ANO6: variants seen among roughly 807,000 people sequenced by gnomAD.
ANO6 encodes the protein anoctamin 6, also known as anoctamin-6.
A neutral mutation model predicts 117.5 loss-of-function variants in ANO6; 106 were observed. The ratio of observed to expected loss-of-function variants is 0.90; its 90% CI spans 0.77 to 1.06. ANO6 has a LOEUF of 1.06. Ranked by LOEUF, ANO6 falls within the 50% of genes least tolerant of loss-of-function variation. The probability of loss-of-function intolerance (pLI) is 0.00; values close to 1 mark genes in which losing one functional copy is unlikely to be tolerated. For synonymous variants in ANO6, 367 were observed against 385.1 expected (o/e 0.95, Z 0.55); for missense variants, 955 against 1,121.1 (o/e 0.85, Z 2.12).
At chr12:45,216,420 C>A in intron 1 of ANO6, 29 bp downstream of exon 1, 1 of 1,602,416 alleles carries the variant, frequency 6.2e-7, no homozygotes, top group East Asian at 2.3e-5. Flanking sequence ...CGTCCCCACC[C>A]GAGAGCCCGA....
At chr12:45,439,550 C>A in intron 19 of ANO6, 1 of 918,178 alleles carries the variant, frequency 1.1e-6, no homozygotes, top group Non-Finnish European at 1.5e-6. Flanking sequence ...GAATTTGGAC[C>A]TTTAAACAAA....
In ANO6 at chr12:45,274,461, C is replaced by G. The variant is rs543471598; in HGVS notation, c.71-27553C>G. On this transcript the variant is annotated intron_variant, in intron 1 of 19. Transcript: ENST00000320560. Reference sequence around the variant, plus strand: ...CTGCCTTTCTGTGACACCTCGTATTCTCAAATTCAAGCACCCAACATCCCC... The same window carrying G: ...CTGCCTTTCTGTGACACCTCGTATTGTCAAATTCAAGCACCCAACATCCCC... 1.2e-4 allele frequency among the ~76,000 whole-genome samples: 19 copies of G among 152,202 alleles called. 1 individual carries two copies. Among genetic ancestry groups the G allele is most frequent in the Admixed American group, 9.2e-4 (14 of 15,286 alleles).
chr12:45,437,824 C>T (rs117499919), intron 19 of ANO6, among the ~76,000 whole-genome samples: 3,037 of 152,246 alleles, frequency 0.02, 43 homozygotes, highest in East Asian at 0.037. Context: ...CCCACCTTGC[C>T]TCCCAAAGTG....
At chr12:45,302,775 C>G (rs964524230) in intron 2 of ANO6, among the ~76,000 whole-genome samples, 2 of 151,948 alleles carry the variant, frequency 1.3e-5, no homozygotes, top group South Asian at 4.2e-4. Context: ...ATTTGGAGGG[C>G]GGGGATGGGA....
chr12:45,300,304 C>T (rs572847121), intron 1 of ANO6, among the ~76,000 whole-genome samples: 65 of 152,264 alleles, frequency 4.3e-4, no homozygotes, highest in Admixed American at 9.8e-4. Flanking sequence ...CCTCAACCTC[C>T]TGAGTAGCTG....
intron 10 of ANO6, among the ~76,000 whole-genome samples, chr12:45,386,595 C>G (rs915488895): frequency 6.6e-6 from 1 of 152,216 alleles, no homozygotes; most frequent in Admixed American, 6.5e-5. Flanking sequence ...CTCCCTGCCC[C>G]TAGTCTCACT....
At chr12:45,316,761 T>C (rs1940039740) in intron 2 of ANO6, among the ~76,000 whole-genome samples, 1 of 151,554 alleles carries the variant, frequency 6.6e-6, no homozygotes, top group Admixed American at 6.6e-5. Flanking sequence ...TACATAAAAA[T>C]ATATGACATA....
chr12:45,345,897 A>C (rs1156331618), intron 3 of ANO6, among the ~76,000 whole-genome samples: 4 of 148,460 alleles, frequency 2.7e-5, no homozygotes, highest in Admixed American at 6.7e-5. Flanking sequence ...GTCTGAGATC[A>C]AGGGGGCTGG....
In ANO6 at chr12:45,315,317, G is replaced by A. The variant is rs1393827645; in HGVS notation, c.150+13224G>A. Among the ~76,000 whole-genome samples the A allele has an allele frequency of 3.9e-5, 6 of 152,008 alleles. No homozygotes were observed. In the East Asian group the frequency reaches 1.2e-3, roughly 29 times the overall value. On this transcript the variant is annotated intron_variant, in intron 2 of 19. Coordinates refer to ENST00000320560, the MANE Select transcript of ANO6 (RefSeq NM_001025356.3). ...ACCACTGTAGAGGGAGTATTCTGGT[G>A]GGAGGATGCATGAGGAACTGGGGGA...
chr12:45,425,555 A>G (rs1361868796), intron 19 of ANO6, among the ~76,000 whole-genome samples: 1 of 152,252 alleles, frequency 6.6e-6, no homozygotes, highest in Admixed American at 6.5e-5. Context: ...CAACAGTAAC[A>G]ACGGAAGCCA....
At chr12:45,334,147 G>C (rs1032261968) in intron 3 of ANO6, among the ~76,000 whole-genome samples, 1 of 152,002 alleles carries the variant, frequency 6.6e-6, no homozygotes, top group African/African-American at 2.4e-5. Context: ...CCTTTAAAAA[G>C]CATAAACCAT....
chr12:45,391,983 A>T (rs1565744291), intron 12 of ANO6, among the ~76,000 whole-genome samples: 2 of 152,228 alleles, frequency 1.3e-5, no homozygotes. Flanking sequence ...TACCTGGTTC[A>T]TCTCATTGGG....
At chr12:45,245,784 T>A (rs958183448) in intron 1 of ANO6, among the ~76,000 whole-genome samples, 4 of 152,160 alleles carry the variant, frequency 2.6e-5, no homozygotes, top group South Asian at 2.1e-4. Context: ...GGAAATCTTA[T>A]GATTTCAAGT....
chr12:45,372,810 G>C (rs966985281), intron 9 of ANO6, among the ~76,000 whole-genome samples: 2 of 152,164 alleles, frequency 1.3e-5, no homozygotes, highest in African/African-American at 4.8e-5. Context: ...CAACTAAAGA[G>C]CAAAATCACC....
At chr12:45,249,376 GTATT>G (rs1947870099) in intron 1 of ANO6, among the ~76,000 whole-genome samples, 1 of 151,924 alleles carries the variant, frequency 6.6e-6, no homozygotes, top group Non-Finnish European at 1.5e-5. Context: ...TTATTCTGAG[GTATT>G]TATTCTTTAG....
At chr12:45,368,431 C>A (rs1469066411) in intron 9 of ANO6, among the ~76,000 whole-genome samples, 1 of 152,220 alleles carries the variant, frequency 6.6e-6, no homozygotes, top group Admixed American at 6.5e-5. Flanking sequence ...CAGATTTAGA[C>A]TGTCTCTATA....
chr12:45,302,033 G>C lies in ANO6; in HGVS notation c.90G>C (p.Gln30His), dbSNP rs763935163. The C allele has an allele frequency of 6.2e-7, 1 of 1,613,964 alleles. No individual in the cohort carries two copies. The highest frequency in any genetic ancestry group is 2.2e-5 in the East Asian group (1 of 44,874). ...TTTTAGTGTTGGAAAACCTTGGACA[G>C]ACAATTGTCCCCGATTTGGGATCAC... The part of the protein sequence containing the change: ...DGDIVLENLG[Q>H]TIVPDLGSLE... Residue 30 changes from glutamine to histidine, a missense_variant, in exon 2 of 20, where the codon CAG becomes CAC. By Grantham distance (24) the Gln-to-His change is conservative. Coordinates refer to ENST00000320560, the MANE Select transcript of ANO6 (RefSeq NM_001025356.3).
chr12:45,421,432 AT>A (rs1388945430), intron 18 of ANO6, among the ~76,000 whole-genome samples, 159 bp downstream of exon 18: 1 of 152,182 alleles, frequency 6.6e-6, no homozygotes, highest in South Asian at 2.1e-4. Flanking sequence ...TGCTAGAGAC[AT>A]TTTTTCCCCA....
At position 45,340,061 on chromosome 12, in the gene ANO6, T is replaced by G. The variant is rs144410503; in HGVS notation, c.280-6961T>G. 5.3e-5 allele frequency among the ~76,000 whole-genome samples: 8 copies of G among 152,274 alleles called. No homozygotes were observed. The East Asian group carries it at 1.5e-3, about 29-fold the overall frequency. On this transcript the variant is annotated intron_variant, in intron 3 of 19. Transcript: ENST00000320560. Reference sequence around the variant, plus strand: ...TTGTGTTTACAATCAGTACTATTACTGTGTAATTCGCAAGTAAGTCCTTCA... The same window carrying G: ...TTGTGTTTACAATCAGTACTATTACGGTGTAATTCGCAAGTAAGTCCTTCA...
Sources: allele counts gnomAD v4.1 joint callset (sites outside exome capture counted in the v4.1 genomes callset), GRCh38; gene constraint gnomAD v4.1.1; transcripts MANE v1.5; gene names NCBI Gene and HGNC (gene_info 2026-07-23, HGNC 2026-07-21).